The following SLIT3 variants were observed in gnomAD, a reference collection of about 807,000 sequenced individuals.
The protein encoded by SLIT3 is slit homolog 3 protein.
Under a neutral mutation model 184.0 loss-of-function variants are expected in SLIT3, and 68 were observed. The ratio of observed to expected loss-of-function variants is 0.37; its 90% CI spans 0.30 to 0.45. SLIT3 has a LOEUF of 0.45. Ranked by LOEUF, SLIT3 falls within the 20% of genes least tolerant of loss-of-function variation. The pLI is 1.00. For missense variants in SLIT3, 1,707 were observed against 2,026.0 expected, an observed-to-expected ratio of 0.84 and a Z score of 3.02; for synonymous variants, 831 against 828.6, an observed-to-expected ratio of 1.00 and a Z score of -0.05.
chr5:168,757,541 C>G (rs1273470344), intron 16 of SLIT3, among the ~76,000 whole-genome samples: 1 of 152,210 alleles, frequency 6.6e-6, no homozygotes, highest in Non-Finnish European at 1.5e-5. Context: ...TCACGCCATT[C>G]TCCTGCTTCA....
At chr5:168,991,754 T>C (rs1038700414) in intron 4 of SLIT3, among the ~76,000 whole-genome samples, 3 of 152,166 alleles carry the variant, frequency 2.0e-5, no homozygotes, top group African/African-American at 7.2e-5. Flanking sequence ...GAGGAGAAAG[T>C]GCCTGTCTCA....
chr5:168,909,100 C>T (rs960322772), intron 4 of SLIT3, among the ~76,000 whole-genome samples: 2 of 152,198 alleles, frequency 1.3e-5, no homozygotes, highest in African/African-American at 2.4e-5. Context: ...CACAGGCCTG[C>T]GTCCTCCGGT....
At chr5:168,800,829 TG>T (rs1164031730) in intron 9 of SLIT3, among the ~76,000 whole-genome samples, 1 of 152,224 alleles carries the variant, frequency 6.6e-6, no homozygotes, top group African/African-American at 2.4e-5. Flanking sequence ...ATTATTTTTT[TG>T]TCTTAGAACA....
At chr5:169,134,884 T>C (rs971585255) in intron 4 of SLIT3, among the ~76,000 whole-genome samples, 1 of 152,250 alleles carries the variant, frequency 6.6e-6, no homozygotes, top group Non-Finnish European at 1.5e-5. Flanking sequence ...ATGTTTTATT[T>C]TCATAAGGCC....
At chr5:169,118,976 G>A (rs1760785577) in intron 4 of SLIT3, among the ~76,000 whole-genome samples, 1 of 152,138 alleles carries the variant, frequency 6.6e-6, no homozygotes, top group South Asian at 2.1e-4. Flanking sequence ...CTATGTGAAA[G>A]TGTTCTACAT....
At chr5:168,759,150 C>G (rs778085107) in intron 16 of SLIT3, among the ~76,000 whole-genome samples, 1 of 152,148 alleles carries the variant, frequency 6.6e-6, no homozygotes, top group African/African-American at 2.4e-5. Flanking sequence ...CCATGCATTT[C>G]AGATAAGGGA....
chr5:169,257,293 A>G (rs1401937367), intron 1 of SLIT3, among the ~76,000 whole-genome samples: 1 of 151,918 alleles, frequency 6.6e-6, no homozygotes, highest in Non-Finnish European at 1.5e-5. Flanking sequence ...CAGGGATGGG[A>G]AACTGAAAGA....
At chr5:168,874,625 A>G (rs937837095) in intron 5 of SLIT3, among the ~76,000 whole-genome samples, 1 of 152,232 alleles carries the variant, frequency 6.6e-6, no homozygotes, top group Non-Finnish European at 1.5e-5. Flanking sequence ...AAACTGTGTC[A>G]TCTTGGCCTA....
At chr5:168,863,742 T>C (rs1165015826) in intron 5 of SLIT3, among the ~76,000 whole-genome samples, 1 of 152,158 alleles carries the variant, frequency 6.6e-6, no homozygotes, top group Non-Finnish European at 1.5e-5. Flanking sequence ...ATTTAACTCA[T>C]AAAATTGTTT....
chr5:169,187,204 C>T (rs149368892), intron 4 of SLIT3, among the ~76,000 whole-genome samples: 2,371 of 146,290 alleles, frequency 0.016, 35 homozygotes, highest in Non-Finnish European at 0.023. Flanking sequence ...ACCTCTGCCT[C>T]CTGGGTTCAA....
intron 4 of SLIT3, among the ~76,000 whole-genome samples, chr5:168,989,768 G>C (rs538559018): frequency 1.3e-5 from 2 of 152,266 alleles, no homozygotes; most frequent in South Asian, 4.2e-4. Flanking sequence ...TCAGCTCAGA[G>C]ATCTGGATTT....
intron 20 of SLIT3, among the ~76,000 whole-genome samples, chr5:168,724,949 G>A (rs1045994912): frequency 1.3e-5 from 2 of 152,140 alleles, no homozygotes; most frequent in African/African-American, 4.8e-5. Context: ...ACCCAGCTCT[G>A]ACTGTAGTCT....
chr5:169,032,741 T>A, intron 4 of SLIT3, among the ~76,000 whole-genome samples: 1 of 151,942 alleles, frequency 6.6e-6, no homozygotes, highest in East Asian at 1.9e-4. Context: ...CAGGACCTCA[T>A]ATAACACTCA....
rs79573419 is a variant in SLIT3 at position 168,694,331 on chromosome 5, T to C, written c.3083-1631A>G. Among the ~76,000 whole-genome samples the C allele has an allele frequency of 1.9e-3, 289 of 152,356 alleles. 9 individuals are homozygous for C. In the East Asian group the frequency reaches 0.049, roughly 26 times the overall value. On this transcript the variant is annotated intron_variant, in intron 28 of 35. Transcript: ENST00000519560. Reference sequence around the variant, plus strand: ...ATTTCTGTCATCTCTCTTCTGGCACTAAGCTGATTCTTCTTGACCAATGAC... The same window carrying C: ...ATTTCTGTCATCTCTCTTCTGGCACCAAGCTGATTCTTCTTGACCAATGAC...
intron 3 of SLIT3, among the ~76,000 whole-genome samples, chr5:169,206,483 A>G (rs991433195): frequency 2.6e-5 from 4 of 152,202 alleles, no homozygotes; most frequent in African/African-American, 7.2e-5. Context: ...TAGCTAGTAG[A>G]TATCAGGGAG....
intron 4 of SLIT3, among the ~76,000 whole-genome samples, chr5:169,006,853 G>A (rs111529233): frequency 5.4e-4 from 82 of 152,210 alleles, no homozygotes; most frequent in Non-Finnish European, 9.9e-4. Flanking sequence ...TTTGCAGAGT[G>A]TCTGGATACA....
chr5:168,937,595 G>T lies in SLIT3; in HGVS notation c.414-54259C>A, dbSNP rs115401077. Among the ~76,000 whole-genome samples the T allele has an allele frequency of 6.1e-3, 928 of 152,204 alleles. 8 individuals carry two copies. The highest frequency in any genetic ancestry group is 0.021 in the African/African-American group (892 of 41,514). Reference sequence around the variant, plus strand: ...TAGATGGCATTGGCCTTGTGCGGCGGAACGGGAGGCCTGGCATTCTCTGAG... The same window carrying T: ...TAGATGGCATTGGCCTTGTGCGGCGTAACGGGAGGCCTGGCATTCTCTGAG... On this transcript the variant is annotated intron_variant, in intron 4 of 35. Transcript: ENST00000519560.
chr5:169,126,317 C>T (rs1225603905), intron 4 of SLIT3, among the ~76,000 whole-genome samples: 2 of 152,070 alleles, frequency 1.3e-5, no homozygotes, highest in Non-Finnish European at 1.5e-5. Context: ...AGAAGGAAAG[C>T]AGGAGAGAGA....
chr5:168,922,403 G>A (rs977813392), intron 4 of SLIT3, among the ~76,000 whole-genome samples: 5 of 147,020 alleles, frequency 3.4e-5, no homozygotes, highest in Non-Finnish European at 7.4e-5. Context: ...CTTGCAGTGA[G>A]CCGAGATTGT....
Sources: allele counts gnomAD v4.1 joint callset (sites outside exome capture counted in the v4.1 genomes callset), GRCh38; gene constraint gnomAD v4.1.1; transcripts MANE v1.5; gene names NCBI Gene and HGNC (gene_info 2026-07-23, HGNC 2026-07-21).